Variants in FKBP5 observed in about 807,000 individuals in gnomAD.
FKBP5 encodes the protein peptidyl-prolyl cis-trans isomerase FKBP5.
FKBP5 carries 23 observed loss-of-function variants against 50.5 expected under a neutral mutation model. The ratio of observed to expected loss-of-function variants is 0.46; its 90% CI spans 0.33 to 0.65. The LOEUF (loss-of-function observed/expected upper bound fraction) is 0.65, where lower values mean the gene tolerates loss of function less well. Among genes scored for constraint, FKBP5 ranks in the 30% least tolerant of loss-of-function variants. FKBP5 has a pLI of 0.02. For missense variants in FKBP5, 411 were observed against 553.1 expected (o/e 0.74, Z 2.58); for synonymous variants, 176 against 190.6 (o/e 0.92, Z 0.63).
In FKBP5 at chr6:35,575,736, T is replaced by C; in HGVS notation, c.*99A>G. ...TTTGCTTCCAGAATCACATAGACTATAACAAACTTTACATTAAACACTGTT... is the reference window on the plus strand; with the variant it reads ...TTTGCTTCCAGAATCACATAGACTACAACAAACTTTACATTAAACACTGTT... On this transcript the variant is annotated 3_prime_UTR_variant, in exon 11 of 11. Transcript: ENST00000357266. 1 of 868,814 alleles carries C rather than the reference T, an allele frequency of 1.2e-6. No individual in the cohort carries two copies. The highest frequency in any genetic ancestry group is 1.9e-6 in the Non-Finnish European group (1 of 515,232). 53.8% of individuals were successfully genotyped at this position (868,814 alleles called of 1,614,324 possible). A position where few individuals can be genotyped will look rare whatever the true frequency, so the allele number is the denominator to read the frequency against.
At chr6:35,724,407 C>T (rs562536956) in intron 1 of FKBP5, among the ~76,000 whole-genome samples, 54 of 152,228 alleles carry the variant, frequency 3.5e-4, no homozygotes, top group African/African-American at 9.2e-4. Flanking sequence ...TTCAGCCTGT[C>T]GAATGGGCTA....
chr6:35,716,519 C>T (rs1766514867), intron 2 of FKBP5, among the ~76,000 whole-genome samples: 4 of 151,986 alleles, frequency 2.6e-5, no homozygotes, highest in Non-Finnish European at 4.4e-5. Context: ...TGTGATGTTC[C>T]CCAGTCTCTC....
At chr6:35,582,794 T>G in intron 8 of FKBP5, 1 of 985,428 alleles carries the variant, frequency 1.0e-6, no homozygotes, top group African/African-American at 1.7e-5. Context: ...GTCACTGCCT[T>G]TTCTCTTGCT....
intron 1 of FKBP5, among the ~76,000 whole-genome samples, chr6:35,643,653 G>C (rs894126413): frequency 3.9e-5 from 6 of 152,244 alleles, no homozygotes; most frequent in African/African-American, 1.4e-4. Context: ...AACAAACCCA[G>C]TGCTTTCCCA....
chr6:35,600,130 G>T (rs1393284216), intron 5 of FKBP5, among the ~76,000 whole-genome samples: 2 of 152,194 alleles, frequency 1.3e-5, no homozygotes, highest in African/African-American at 4.8e-5. Flanking sequence ...AGAAGGTAAA[G>T]ATATGGAATT....
intron 1 of FKBP5, among the ~76,000 whole-genome samples, chr6:35,645,612 T>C (rs1042602897): frequency 6.6e-6 from 1 of 152,242 alleles, no homozygotes; most frequent in Non-Finnish European, 1.5e-5. Flanking sequence ...TTATTACTAC[T>C]ATATGTCAGC....
chr6:35,592,384 A>G (rs1020570994), intron 6 of FKBP5, among the ~76,000 whole-genome samples: 9 of 152,186 alleles, frequency 5.9e-5, no homozygotes, highest in Non-Finnish European at 1.3e-4. Context: ...TACACAGAAA[A>G]TGGAAGCTGG....
chr6:35,600,712 T>C (rs1257154981), intron 5 of FKBP5, among the ~76,000 whole-genome samples: 1 of 152,064 alleles, frequency 6.6e-6, no homozygotes, highest in Non-Finnish European at 1.5e-5. Flanking sequence ...GTACATTTAG[T>C]GGGGGAGGAA....
chr6:35,694,042 C>T (rs7759392), intron 2 of FKBP5, among the ~76,000 whole-genome samples: 117,242 of 151,854 alleles, frequency 0.77, 45,705 homozygotes, highest in African/African-American at 0.89. Context: ...TCTCTCTATG[C>T]TGCCCAGGCT....
intron 3 of FKBP5, among the ~76,000 whole-genome samples, chr6:35,632,981 A>C (rs1264137117): frequency 6.6e-6 from 1 of 152,126 alleles, no homozygotes; most frequent in African/African-American, 2.4e-5. Flanking sequence ...AAGCAAGTGT[A>C]GGTATAGCTT....
chr6:35,728,357 C>G (rs867250999), intron 1 of FKBP5, among the ~76,000 whole-genome samples: 1 of 152,178 alleles, frequency 6.6e-6, no homozygotes, highest in South Asian at 2.1e-4. Flanking sequence ...ATCCCTCTGC[C>G]TTCTCGCCCC....
At chr6:35,639,234 G>A (rs1483521685) in intron 2 of FKBP5, among the ~76,000 whole-genome samples, 1 of 152,066 alleles carries the variant, frequency 6.6e-6, no homozygotes, top group Non-Finnish European at 1.5e-5. Context: ...ACTCTATGAG[G>A]TTGATGGCAT....
intron 2 of FKBP5, among the ~76,000 whole-genome samples, chr6:35,698,557 G>A (rs190740806): frequency 1.3e-5 from 2 of 152,248 alleles, no homozygotes; most frequent in East Asian, 3.9e-4. Context: ...TGAGGCAGGA[G>A]AATCGCTTGA....
intron 5 of FKBP5, among the ~76,000 whole-genome samples, chr6:35,615,768 C>T (rs949600940): frequency 3.3e-5 from 5 of 152,128 alleles, no homozygotes; most frequent in African/African-American, 1.2e-4. Context: ...CAAGATAGTA[C>T]TTCACTCCTA....
chr6:35,620,002 T>C (rs1415598533), intron 4 of FKBP5, 130 bp downstream of exon 4: 1 of 1,124,488 alleles, frequency 8.9e-7, no homozygotes, highest in Non-Finnish European at 1.3e-6. Context: ...CAAGAAGCCA[T>C]GCTCCAAAAT....
chr6:35,726,873 AAAG>A (rs1766724301), intron 1 of FKBP5, among the ~76,000 whole-genome samples: 1 of 152,210 alleles, frequency 6.6e-6, no homozygotes, highest in African/African-American at 2.4e-5. Context: ...GAGAGGGCTC[AAAG>A]AAGAAGCAGA....
chr6:35,658,066 T>TA (rs747364862), intron 1 of FKBP5, among the ~76,000 whole-genome samples: 1,952 of 111,020 alleles, frequency 0.018, 31 homozygotes, highest in African/African-American at 0.048. Context: ...CTGTTTCTAC[T>TA]AAAAAAAAAA....
chr6:35,724,444 C>T (rs758487319), intron 1 of FKBP5, among the ~76,000 whole-genome samples: 4 of 152,208 alleles, frequency 2.6e-5, no homozygotes, highest in Non-Finnish European at 4.4e-5. Context: ...TGTCAGATCA[C>T]ACCTCAAGGC....
intron 8 of FKBP5, chr6:35,581,721 T>C: frequency 1.0e-6 from 1 of 985,290 alleles, no homozygotes; most frequent in Non-Finnish European, 1.2e-6. Context: ...GGAGTACAAG[T>C]GGGGATTCTC....
Sources: gnomAD v4.1 joint callset for allele counts (sites outside exome capture counted in the v4.1 genomes callset) on GRCh38, gnomAD v4.1.1 for gene constraint, MANE v1.5 for transcripts, NCBI Gene and HGNC (gene_info 2026-07-23, HGNC 2026-07-21) for gene names.